The following FBXL17 variants were observed in gnomAD, a reference collection of about 807,000 sequenced individuals.
FBXL17 encodes the protein F-box and leucine rich repeat protein 17.
FBXL17 carries 22 observed loss-of-function variants against 66.2 expected under a neutral mutation model. The ratio of observed to expected loss-of-function variants is 0.33; its 90% CI spans 0.24 to 0.47. The LOEUF is 0.47. FBXL17 is among the 20% of genes least tolerant of loss of function. The pLI is 1.00. For missense variants in FBXL17, 878 were observed against 948.2 expected, an observed-to-expected ratio of 0.93 and a Z score of 0.97; for synonymous variants, 474 against 400.5, an observed-to-expected ratio of 1.18 and a Z score of -2.19.
intron 6 of FBXL17, among the ~76,000 whole-genome samples, chr5:108,178,710 A>G (rs10043184): frequency 1.6e-3 from 251 of 152,350 alleles, no homozygotes; most frequent in African/African-American, 5.9e-3. Context: ...ATTGCTCTGC[A>G]TTCTATAGAG....
Position 108,257,497 on chromosome 5 carries a change from G to C in FBXL17, c.1507-33269C>G, listed in dbSNP as rs1282405263. Among the ~76,000 whole-genome samples, 5 of 152,098 alleles carry C rather than the reference G, an allele frequency of 3.3e-5. No homozygotes were observed. The East Asian group carries it at 9.6e-4, about 29-fold the overall frequency. ...GAGCGAGAGTCATTTGAGCTCCAAA[G>C]TTCAGGAAGAGTAGCAAAGGAAGAT... On this transcript the variant is annotated intron_variant, in intron 4 of 8. Transcript: ENST00000542267.
intron 7 of FBXL17, among the ~76,000 whole-genome samples, chr5:107,936,956 A>G (rs1188527354): frequency 6.6e-6 from 1 of 152,110 alleles, no homozygotes; most frequent in Non-Finnish European, 1.5e-5. Context: ...CTAGTAGTAT[A>G]AAGAAACTCA....
chr5:108,343,568 T>G (rs1336092279), intron 4 of FBXL17, among the ~76,000 whole-genome samples: 1 of 152,206 alleles, frequency 6.6e-6, no homozygotes, highest in Non-Finnish European at 1.5e-5. Context: ...TATTAACTCA[T>G]ATATAAACCC....
At chr5:107,959,855 C>G (rs1322585699) in intron 7 of FBXL17, among the ~76,000 whole-genome samples, 1 of 152,170 alleles carries the variant, frequency 6.6e-6, no homozygotes, top group Non-Finnish European at 1.5e-5. Context: ...CTAACATAGT[C>G]TCACAAAGGC....
At chr5:108,298,943 C>T (rs1380921305) in intron 4 of FBXL17, 1 of 944,988 alleles carries the variant, frequency 1.1e-6, no homozygotes, top group African/African-American at 1.8e-5. Flanking sequence ...ATATTATTTA[C>T]TTTCAGTTTC....
intron 7 of FBXL17, among the ~76,000 whole-genome samples, chr5:107,954,343 C>A (rs1415476540): frequency 6.6e-6 from 1 of 152,154 alleles, no homozygotes; most frequent in African/African-American, 2.4e-5. Context: ...ATTCAAATCA[C>A]ACAAAAATAA....
At chr5:108,219,487 A>C (rs989996432) in intron 5 of FBXL17, among the ~76,000 whole-genome samples, 2 of 152,076 alleles carry the variant, frequency 1.3e-5, no homozygotes, top group Non-Finnish European at 2.9e-5. Context: ...GGAGTTCAAA[A>C]CCAGCCTGGC....
chr5:107,878,263 T>C (rs1748673276), intron 8 of FBXL17: 2 of 954,666 alleles, frequency 2.1e-6, no homozygotes, highest in African/African-American at 1.8e-5. Context: ...TAATTGTCTT[T>C]CAAAATGGGA....
intron 6 of FBXL17, among the ~76,000 whole-genome samples, chr5:108,040,019 G>A (rs1580360107): frequency 6.6e-6 from 1 of 152,094 alleles, no homozygotes; most frequent in African/African-American, 2.4e-5. Context: ...TTATATTATA[G>A]TTTCTCTAAA....
chr5:108,056,907 C>T (rs1170150203), intron 6 of FBXL17, among the ~76,000 whole-genome samples: 2 of 152,194 alleles, frequency 1.3e-5, no homozygotes, highest in East Asian at 3.8e-4. Context: ...ACTATTCTCA[C>T]TTGGAAAGTG....
At chr5:107,893,633 T>C (rs990109700) in intron 7 of FBXL17, among the ~76,000 whole-genome samples, 2 of 152,156 alleles carry the variant, frequency 1.3e-5, no homozygotes, top group African/African-American at 4.8e-5. Flanking sequence ...TGGGGATAAA[T>C]GCTGTCTTCT....
intron 6 of FBXL17, among the ~76,000 whole-genome samples, chr5:108,055,719 A>T (rs10076561): frequency 0.018 from 2,708 of 151,930 alleles, 95 homozygotes; most frequent in African/African-American, 0.062. Context: ...ATGAATTTTT[A>T]AAATTTAGAA....
At chr5:107,964,660 A>G (rs1031940787) in intron 7 of FBXL17, among the ~76,000 whole-genome samples, 3 of 152,142 alleles carry the variant, frequency 2.0e-5, no homozygotes, top group African/African-American at 7.2e-5. Flanking sequence ...AAGGCTATTT[A>G]TAGCAAGCTA....
chr5:107,992,056 A>G (rs1753271883), intron 7 of FBXL17, among the ~76,000 whole-genome samples: 1 of 151,470 alleles, frequency 6.6e-6, no homozygotes, highest in Non-Finnish European at 1.5e-5. Flanking sequence ...TATTGAGATA[A>G]AAATTATACA....
intron 4 of FBXL17, among the ~76,000 whole-genome samples, chr5:108,322,374 C>A (rs1396257341): frequency 6.6e-6 from 1 of 151,866 alleles, no homozygotes; most frequent in Non-Finnish European, 1.5e-5. Flanking sequence ...AGGGAACAAT[C>A]TTATGAACCA....
At chr5:107,998,946 C>T (rs1466411686) in intron 7 of FBXL17, among the ~76,000 whole-genome samples, 1 of 152,188 alleles carries the variant, frequency 6.6e-6, no homozygotes, top group East Asian at 1.9e-4. Flanking sequence ...TAATTCTCCA[C>T]CATACAGTCT....
At chr5:108,346,519 T>C (rs1747291795) in intron 4 of FBXL17, among the ~76,000 whole-genome samples, 1 of 152,122 alleles carries the variant, frequency 6.6e-6, no homozygotes, top group Non-Finnish European at 1.5e-5. Context: ...TTATGTTTAC[T>C]CAACAAGAAA....
intron 6 of FBXL17, among the ~76,000 whole-genome samples, chr5:108,184,480 T>C (rs898492160): frequency 6.6e-6 from 1 of 151,980 alleles, no homozygotes; most frequent in African/African-American, 2.4e-5. Context: ...CTAATTTTTT[T>C]GTATTTTTAG....
intron 4 of FBXL17, among the ~76,000 whole-genome samples, chr5:108,253,777 A>G (rs1756459796): frequency 6.6e-6 from 1 of 152,078 alleles, no homozygotes; most frequent in Non-Finnish European, 1.5e-5. Context: ...TGGATGGCTT[A>G]AGCCCAGGAG....
Sources: allele counts gnomAD v4.1 joint callset (sites outside exome capture counted in the v4.1 genomes callset), GRCh38; gene constraint gnomAD v4.1.1; transcripts MANE v1.5; gene names NCBI Gene and HGNC (gene_info 2026-07-23, HGNC 2026-07-21).